The following HPS3 variants were observed in gnomAD, a reference collection of about 807,000 sequenced individuals.
The protein encoded by HPS3 is BLOC-2 complex member HPS3.
A neutral mutation model predicts 110.9 loss-of-function variants in HPS3; 79 were observed. The observed-to-expected ratio is 0.71, with a 90% confidence interval of 0.59 to 0.86. HPS3 has a LOEUF of 0.86. Among genes scored for constraint, HPS3 ranks in the 40% least tolerant of loss-of-function variants. The pLI is 0.00. For synonymous variants in HPS3, 428 were observed against 451.0 expected (o/e 0.95, Z 0.65); for missense variants, 1,197 against 1,206.2 (o/e 0.99, Z 0.11).
At chr3:149,131,007 A>G (rs1045332273) in intron 1 of HPS3, among the ~76,000 whole-genome samples, 5 of 151,928 alleles carry the variant, frequency 3.3e-5, no homozygotes, top group African/African-American at 1.2e-4. Context: ...GCTGGTGGCT[A>G]TGCTATTAAT....
intron 6 of HPS3, 50 bp from the exon 7 acceptor site, chr3:149,153,444 A>G: frequency 6.8e-7 from 1 of 1,477,920 alleles, no homozygotes; most frequent in East Asian, 2.3e-5. Context: ...TGAAGATTGA[A>G]GTGCATGTAC....
intron 1 of HPS3, among the ~76,000 whole-genome samples, chr3:149,132,194 A>G (rs1721819379): frequency 1.3e-5 from 2 of 152,226 alleles, no homozygotes; most frequent in South Asian, 4.1e-4. Flanking sequence ...GCTGTGCTAA[A>G]CAACAGATTT....
chr3:149,164,031 C>G, intron 14 of HPS3, 82 bp downstream of exon 14: 1 of 734,024 alleles, frequency 1.4e-6, no homozygotes, highest in East Asian at 2.7e-5. Flanking sequence ...CCCCAGGTGT[C>G]CTGTTAATCT....
At chr3:149,158,560 G>A in intron 9 of HPS3, 106 bp from the exon 10 acceptor site, 1 of 1,075,940 alleles carries the variant, frequency 9.3e-7, no homozygotes, top group South Asian at 1.3e-5. Flanking sequence ...GGCTGAGGTA[G>A]GATAATCACT....
rs66720211 is a variant in HPS3, at chr3:149,148,399, C to CTTTTTTTTT, written c.1164-2187_1164-2179dup. Among the ~76,000 whole-genome samples, 11 of 100,356 alleles carry CTTTTTTTTT rather than the reference C, an allele frequency of 1.1e-4. 1 individual carries two copies. Among genetic ancestry groups the CTTTTTTTTT allele is most frequent in the East Asian group, 2.7e-4 (1 of 3,760 alleles). The allele number at this position is 100,356 out of a possible 152,430, so 65.8% of individuals were successfully genotyped here. On this transcript the variant is annotated intron_variant, in intron 5 of 16. Coordinates refer to ENST00000296051, the MANE Select transcript of HPS3 (RefSeq NM_032383.5). ...TCTCCCAGAGTTAAGCATATCAAGA[C>CTTTTTTTTT]TTTTTTTTTTTTTTTTTTTTTGAGA... is the stretch of plus-strand genomic sequence containing the variant.
intron 4 of HPS3, among the ~76,000 whole-genome samples, chr3:149,143,213 A>G (rs1308246653): frequency 3.3e-5 from 5 of 151,876 alleles, no homozygotes; most frequent in Admixed American, 2.0e-4. Flanking sequence ...ATCGTGTCCC[A>G]CTCTCACCCT....
intron 15 of HPS3, 74 bp from the exon 16 acceptor site, chr3:149,167,819 A>G (rs1427445501): frequency 8.7e-6 from 8 of 923,900 alleles, no homozygotes; most frequent in South Asian, 5.2e-5. Flanking sequence ...TTCCTGCACA[A>G]TCTTCTTATT....
chr3:149,153,163 G>A (rs941753723), intron 6 of HPS3, among the ~76,000 whole-genome samples: 1 of 152,206 alleles, frequency 6.6e-6, no homozygotes, highest in African/African-American at 2.4e-5. Flanking sequence ...TTCATCTCCT[G>A]GAGGTATCTG....
chr3:149,137,431 A>C (rs755364460), intron 1 of HPS3, among the ~76,000 whole-genome samples: 1 of 152,244 alleles, frequency 6.6e-6, no homozygotes, highest in Non-Finnish European at 1.5e-5. Flanking sequence ...TCAAAACATT[A>C]AACATAGAAT....
chr3:149,164,928 A>G (rs1724259041), intron 14 of HPS3, among the ~76,000 whole-genome samples: 1 of 152,094 alleles, frequency 6.6e-6, no homozygotes, highest in African/African-American at 2.4e-5. Context: ...TGGGAACTAC[A>G]CTATAAGTGT....
intron 13 of HPS3, 91 bp from the exon 14 acceptor site, chr3:149,163,751 A>T (rs1408310451): frequency 1.3e-6 from 1 of 744,456 alleles, no homozygotes; most frequent in Admixed American, 2.1e-5. Flanking sequence ...ATGACATGGC[A>T]GAGAATTAAT....
intron 1 of HPS3, among the ~76,000 whole-genome samples, chr3:149,136,217 C>T (rs1247346684): frequency 1.3e-5 from 2 of 150,160 alleles, no homozygotes; most frequent in African/African-American, 2.5e-5. Flanking sequence ...TATATATATA[C>T]ACACACACAC....
chr3:149,153,800 T>A, intron 7 of HPS3, 152 bp downstream of exon 7: 1 of 771,822 alleles, frequency 1.3e-6, no homozygotes, highest in Non-Finnish European at 2.2e-6. Context: ...AAGAAGGTTC[T>A]AACAATCTCT....
intron 4 of HPS3, among the ~76,000 whole-genome samples, chr3:149,141,657 C>A (rs1183071734): frequency 6.6e-6 from 1 of 151,208 alleles, no homozygotes; most frequent in African/African-American, 2.4e-5. Context: ...CCTCAGCCTC[C>A]CGAGTAGCTG....
rs1456926675 is a variant in HPS3, at chr3:149,140,360, T to C, written c.574T>C (p.Ser192Pro). 6.2e-7 allele frequency: 1 copy of C among 1,610,440 alleles called. No individual in the cohort carries two copies. The highest frequency in any genetic ancestry group is 1.3e-5 in the African/African-American group (1 of 74,732). ...HIDNITPVEV[S>P]FCVGYVAVMS... is the part of the protein sequence containing the mutation. ...AGATAATATCACTCCTGTTGAGGTT[T>C]CTTTTTGTGTTGGATATGTTGCTGT... is the stretch of plus-strand genomic sequence containing the variant. The change falls in exon 2 of 17, where the codon TCT becomes CCT. Residue 192 changes from serine to proline, a missense_variant. Coordinates refer to ENST00000296051, the MANE Select transcript of HPS3 (RefSeq NM_032383.5).
At chr3:149,153,435 G>T in intron 6 of HPS3, 59 bp from the exon 7 acceptor site, 2 of 1,406,134 alleles carry the variant, frequency 1.4e-6, no homozygotes, top group South Asian at 1.2e-5. Context: ...ACTGATTTTT[G>T]AAGATTGAAG....
chr3:149,150,542 G>T, intron 5 of HPS3, 57 bp from the exon 6 acceptor site: 1 of 1,386,314 alleles, frequency 7.2e-7, no homozygotes, highest in Non-Finnish European at 1.0e-6. Flanking sequence ...CCTCCCTGCT[G>T]TGGGTATGTT....
chr3:149,161,525 T>C (rs1320120966), intron 11 of HPS3, among the ~76,000 whole-genome samples: 13 of 148,674 alleles, frequency 8.7e-5, no homozygotes, highest in African/African-American at 3.2e-4. Context: ...TTTTTTTTTT[T>C]TTTTTTGAGA....
Position 149,145,348 on chromosome 3 carries a change from A to C in HPS3, c.971-6A>C, listed in dbSNP as rs774178297. ...GGTGTTTTATTTCTTTCATTTTTGC[A>C]TGCAGGTTCTCTTACATCTGATGGA... On this transcript the variant is annotated splice_polypyrimidine_tract_variant and splice_region_variant and intron_variant, in intron 4 of 16. Coordinates refer to ENST00000296051, the MANE Select transcript of HPS3 (RefSeq NM_032383.5). The C allele has an allele frequency of 2.5e-6, 4 of 1,604,560 alleles. No individual in the cohort carries two copies.
Sources: allele counts gnomAD v4.1 joint callset (sites outside exome capture counted in the v4.1 genomes callset), GRCh38; gene constraint gnomAD v4.1.1; transcripts MANE v1.5; gene names NCBI Gene and HGNC (gene_info 2026-07-23, HGNC 2026-07-21).